PRKCE: variants seen among roughly 807,000 people sequenced by gnomAD.
PRKCE encodes the protein protein kinase C epsilon, also known as protein kinase C epsilon type.
In PRKCE, 16 loss-of-function variants were observed where a neutral mutation model predicts 85.4. The observed-to-expected ratio is 0.19, with a 90% CI of 0.13 to 0.28. The LOEUF (loss-of-function observed/expected upper bound fraction) is 0.28. PRKCE is among the 10% of genes least tolerant of loss of function. The probability of loss-of-function intolerance (pLI) is 1.00; values close to 1 mark genes in which losing one functional copy is unlikely to be tolerated. For synonymous variants in PRKCE, 388 were observed against 371.5 expected (o/e 1.04, Z -0.51); for missense variants, 573 against 975.2 (o/e 0.59, Z 5.49).
At chr2:45,932,828 C>T (rs72802822) in intron 2 of PRKCE, among the ~76,000 whole-genome samples, 3,988 of 152,272 alleles carry the variant, frequency 0.026, 91 homozygotes, top group East Asian at 0.11. Flanking sequence ...GCTACTTTGT[C>T]TCCATGAATT....
intron 1 of PRKCE, among the ~76,000 whole-genome samples, chr2:45,796,669 G>C (rs942664072): frequency 7.2e-5 from 11 of 152,144 alleles, no homozygotes; most frequent in African/African-American, 2.2e-4. Flanking sequence ...AGTAAATACA[G>C]GTATGTCATT....
chr2:46,015,700 A>C, intron 10 of PRKCE, among the ~76,000 whole-genome samples: 1 of 151,680 alleles, frequency 6.6e-6, no homozygotes, highest in Non-Finnish European at 1.5e-5. Flanking sequence ...CCAAAAAAAA[A>C]AAAAAAAAAA....
At chr2:45,923,498 A>G (rs950451998) in intron 2 of PRKCE, among the ~76,000 whole-genome samples, 1 of 152,216 alleles carries the variant, frequency 6.6e-6, no homozygotes, top group African/African-American at 2.4e-5. Context: ...TGCCATTTGG[A>G]GACCAGCTTT....
intron 6 of PRKCE, among the ~76,000 whole-genome samples, chr2:45,986,179 A>G (rs1574123456): frequency 6.6e-6 from 1 of 152,258 alleles, no homozygotes; most frequent in African/African-American, 2.4e-5. Flanking sequence ...GCTTTCCAAC[A>G]GGTTATTTAA....
intron 14 of PRKCE, among the ~76,000 whole-genome samples, chr2:46,168,671 A>T (rs1558523888): frequency 6.6e-6 from 1 of 152,236 alleles, no homozygotes; most frequent in Non-Finnish European, 1.5e-5. Context: ...CAAAATACTT[A>T]AGGGATAACA....
intron 2 of PRKCE, among the ~76,000 whole-genome samples, chr2:45,968,279 T>G (rs1217896442): frequency 1.3e-5 from 2 of 152,076 alleles, no homozygotes; most frequent in Non-Finnish European, 2.9e-5. Context: ...CATGGAATAC[T>G]ACTCCGCCAT....
Position 46,030,058 on chromosome 2 carries a change from G to A in PRKCE, c.1437+19541G>A, listed in dbSNP as rs377442484. Among the ~76,000 whole-genome samples the A allele has an allele frequency of 8.3e-4, 127 of 152,284 alleles. 3 individuals carry two copies. Among genetic ancestry groups the A allele is most frequent in the African/African-American group, 2.6e-3 (108 of 41,546 alleles). On this transcript the variant is annotated intron_variant, in intron 10 of 14. Transcript: ENST00000306156. ...AAGTTAAGCTATTTCCCACCAGGGA[G>A]TAATGAAAAGCCTCACTTGCAAAAC...
rs961874781 is a variant in PRKCE at position 46,155,754 on chromosome 2, C to T, written c.1921-3852C>T. 3.9e-5 allele frequency among the ~76,000 whole-genome samples: 6 copies of T among 152,186 alleles called. No individual in the cohort carries two copies. The highest frequency in any genetic ancestry group is 7.3e-5 in the Non-Finnish European group (5 of 68,044). ...ATCACAGCTAGTCATCAAGTCCGTTCCCCCTGCTAACCTTTTCCATTTGAG... is the reference window on the plus strand; with the variant it reads ...ATCACAGCTAGTCATCAAGTCCGTTTCCCCTGCTAACCTTTTCCATTTGAG... On this transcript the variant is annotated intron_variant, in intron 13 of 14. Transcript: ENST00000306156. This position sits in a 1 kb window ranked among gnomAD's most constrained non-coding sequence, Gnocchi z 4.7.
rs1696881979 is a variant in PRKCE at position 45,905,190 on chromosome 2, A to G, written c.412+62127A>G. Among the ~76,000 whole-genome samples the G allele has an allele frequency of 6.6e-6, 1 of 152,230 alleles. No individual in the cohort carries two copies. The highest frequency in any genetic ancestry group is 2.4e-5 in the African/African-American group (1 of 41,456). On this transcript the variant is annotated intron_variant, in intron 2 of 14. Transcript: ENST00000306156. This position sits in a 1 kb window ranked among gnomAD's most constrained non-coding sequence, Gnocchi z 4.4. The stretch of plus-strand genomic sequence containing the variant: ...ACTGGCTAGGGCAAACCCTGGCTCA[A>G]GAGCATCCTTGACTTATGGCCAAGC...
At chr2:45,766,030 A>G (rs1040488175) in intron 1 of PRKCE, among the ~76,000 whole-genome samples, 6 of 152,218 alleles carry the variant, frequency 3.9e-5, no homozygotes, top group Admixed American at 3.9e-4. Flanking sequence ...CAGGCAAAAG[A>G]AAAGTTAAAA....
chr2:46,098,675 C>T lies in PRKCE; in HGVS notation c.1592+12313C>T, dbSNP rs185179749. Reference sequence around the variant, plus strand: ...GCTGTGTTCTATAGAAAGTAGATGCCTTGGAACAATTATTGCTGCAATATA... The same window carrying T: ...GCTGTGTTCTATAGAAAGTAGATGCTTTGGAACAATTATTGCTGCAATATA... On this transcript the variant is annotated intron_variant, in intron 11 of 14. Coordinates refer to ENST00000306156, the MANE Select transcript of PRKCE (RefSeq NM_005400.3). 2.1e-3 allele frequency among the ~76,000 whole-genome samples: 327 copies of T among 152,274 alleles called. 2 individuals are homozygous for T. Among genetic ancestry groups the T allele is most frequent in the African/African-American group, 7.6e-3 (314 of 41,554 alleles).
chr2:45,899,963 T>A (rs1016449642), intron 2 of PRKCE, among the ~76,000 whole-genome samples: 2 of 152,236 alleles, frequency 1.3e-5, no homozygotes, highest in African/African-American at 4.8e-5. Flanking sequence ...CTATGAAAGA[T>A]AAGTTACTTT....
At chr2:45,783,950 A>G (rs935783831) in intron 1 of PRKCE, among the ~76,000 whole-genome samples, 1 of 152,240 alleles carries the variant, frequency 6.6e-6, no homozygotes, top group Admixed American at 6.5e-5. Context: ...CTTCCAGGCC[A>G]TGACTTCGAA....
chr2:45,684,754 G>A (rs1677163966), intron 1 of PRKCE, among the ~76,000 whole-genome samples: 1 of 152,218 alleles, frequency 6.6e-6, no homozygotes, highest in Admixed American at 6.5e-5. Flanking sequence ...GTCTGCCAGA[G>A]GTGGCAGTGC....
At chr2:45,932,139 G>A (rs574581502) in intron 2 of PRKCE, among the ~76,000 whole-genome samples, 63 of 152,284 alleles carry the variant, frequency 4.1e-4, no homozygotes, top group African/African-American at 1.4e-3. Context: ...TCTCAAGAAC[G>A]TGGAATAGTT....
Position 45,703,876 on chromosome 2 carries a change from G to A in PRKCE, c.348+51428G>A, listed in dbSNP as rs1412476864. Among the ~76,000 whole-genome samples, 3 of 152,186 alleles carry A rather than the reference G, an allele frequency of 2.0e-5. 1 individual carries two copies. The highest frequency in any genetic ancestry group is 7.2e-5 in the African/African-American group (3 of 41,454). Reference sequence around the variant, plus strand: ...TTCTCTCATCCATATGCTCACAGAAGATAAAGCTAAAATAGCTTGTTTTAT... The same window carrying A: ...TTCTCTCATCCATATGCTCACAGAAAATAAAGCTAAAATAGCTTGTTTTAT... On this transcript the variant is annotated intron_variant, in intron 1 of 14. Transcript: ENST00000306156.
intron 12 of PRKCE, among the ~76,000 whole-genome samples, chr2:46,147,679 TG>T (rs1215495249): frequency 6.6e-6 from 1 of 152,228 alleles, no homozygotes; most frequent in African/African-American, 2.4e-5. Flanking sequence ...CGAGGGCTAC[TG>T]GGAAGATTAA....
At chr2:45,770,469 A>T (rs189355655) in intron 1 of PRKCE, among the ~76,000 whole-genome samples, 176 of 152,268 alleles carry the variant, frequency 1.2e-3, no homozygotes, top group Non-Finnish European at 1.9e-3. Flanking sequence ...CCCTTCGGCC[A>T]CTTGTGTTTC....
chr2:45,860,787 A>G (rs1693095896), intron 2 of PRKCE, among the ~76,000 whole-genome samples: 2 of 152,264 alleles, frequency 1.3e-5, no homozygotes, highest in African/African-American at 4.8e-5. Context: ...GGGAACAGGC[A>G]TCCCTTTGTA....
Sources: allele counts gnomAD v4.1 joint callset (sites outside exome capture counted in the v4.1 genomes callset), GRCh38; gene constraint gnomAD v4.1.1; non-coding constraint Gnocchi (gnomAD v3.1); transcripts MANE v1.5; gene names NCBI Gene and HGNC (gene_info 2026-07-23, HGNC 2026-07-21).